The following PTPRD variants were observed in gnomAD, a reference collection of about 807,000 sequenced individuals.
PTPRD encodes the protein protein tyrosine phosphatase receptor type D.
A neutral mutation model predicts 214.5 loss-of-function variants in PTPRD; 34 were observed. The ratio of observed to expected loss-of-function variants is 0.16; its 90% CI spans 0.12 to 0.21. PTPRD has a LOEUF of 0.21. Among genes scored for constraint, PTPRD ranks in the 10% least tolerant of loss-of-function variants. The pLI is 1.00. For synonymous variants in PTPRD, 1,128 were observed against 845.7 expected (o/e 1.33, Z -5.79); for missense variants, 2,545 against 2,398.7 (o/e 1.06, Z -1.27).
At chr9:8,568,013 A>G (rs889031781) in intron 14 of PTPRD, among the ~76,000 whole-genome samples, 1 of 152,172 alleles carries the variant, frequency 6.6e-6, no homozygotes, top group African/African-American at 2.4e-5. Context: ...ACTGGCTGTC[A>G]ACCATTTTTA....
At chr9:10,379,799 A>G (rs891449037) in intron 2 of PTPRD, among the ~76,000 whole-genome samples, 7 of 152,070 alleles carry the variant, frequency 4.6e-5, no homozygotes, top group Non-Finnish European at 1.5e-5. Context: ...TATGTGGTAC[A>G]TTTCTCACAA....
At chr9:9,510,758 T>C (rs1249413915) in intron 8 of PTPRD, among the ~76,000 whole-genome samples, 4 of 151,636 alleles carry the variant, frequency 2.6e-5, no homozygotes, top group Non-Finnish European at 5.9e-5. Context: ...CATCCTTGAT[T>C]TACCACCTCA....
intron 5 of PTPRD, among the ~76,000 whole-genome samples, chr9:9,878,250 T>C (rs1356845823): frequency 6.6e-6 from 1 of 152,128 alleles, no homozygotes; most frequent in Non-Finnish European, 1.5e-5. Flanking sequence ...CACATAGGAA[T>C]ATATATGTCA....
At chr9:8,854,270 A>C (rs1213501624) in intron 11 of PTPRD, among the ~76,000 whole-genome samples, 1 of 152,136 alleles carries the variant, frequency 6.6e-6, no homozygotes, top group Non-Finnish European at 1.5e-5. Context: ...CACACACTTG[A>C]CTCTTATACT....
At chr9:8,925,527 A>AC (rs372217968) in intron 11 of PTPRD, among the ~76,000 whole-genome samples, 1 of 115,172 alleles carries the variant, frequency 8.7e-6, no homozygotes, top group Non-Finnish European at 2.2e-5. Flanking sequence ...AAACAAACAA[A>AC]AAAAACCAAC....
At chr9:10,485,581 T>G (rs567612288) in intron 2 of PTPRD, among the ~76,000 whole-genome samples, 2 of 152,226 alleles carry the variant, frequency 1.3e-5, no homozygotes, top group East Asian at 3.9e-4. Context: ...TTCACTTCTT[T>G]GGTTAAGTTA....
intron 14 of PTPRD, among the ~76,000 whole-genome samples, chr9:8,607,720 G>A (rs913149185): frequency 2.6e-5 from 4 of 152,160 alleles, no homozygotes; most frequent in African/African-American, 7.2e-5. Context: ...ATTTGCAATG[G>A]AGAATGACCA....
intron 22 of PTPRD, among the ~76,000 whole-genome samples, chr9:8,506,419 T>C (rs1475539388): frequency 6.6e-6 from 1 of 152,192 alleles, no homozygotes; most frequent in Admixed American, 6.5e-5. Flanking sequence ...AAATGTTAGA[T>C]GTATCTTAAT....
At chr9:10,218,336 C>T (rs2099551006) in intron 3 of PTPRD, among the ~76,000 whole-genome samples, 2 of 151,864 alleles carry the variant, frequency 1.3e-5, no homozygotes, top group South Asian at 4.1e-4. Context: ...TAATTTTTAC[C>T]ACCCAAGAGG....
intron 10 of PTPRD, among the ~76,000 whole-genome samples, chr9:9,021,114 T>C (rs1407237698): frequency 6.6e-6 from 1 of 152,196 alleles, no homozygotes; most frequent in African/African-American, 2.4e-5. Context: ...AGAGGTATTT[T>C]AAATCACTTC....
intron 11 of PTPRD, among the ~76,000 whole-genome samples, chr9:8,762,540 C>CT (rs1335942142): frequency 6.6e-6 from 1 of 152,142 alleles, no homozygotes; most frequent in Non-Finnish European, 1.5e-5. Flanking sequence ...ACACTTCTCT[C>CT]TGGCACGGAG....
chr9:8,989,426 T>C (rs1313167451), intron 11 of PTPRD, among the ~76,000 whole-genome samples: 2 of 152,112 alleles, frequency 1.3e-5, no homozygotes, highest in African/African-American at 2.4e-5. Flanking sequence ...AAATCTATTT[T>C]AGCTCCCACA....
At chr9:8,754,305 A>G (rs73419288) in intron 11 of PTPRD, among the ~76,000 whole-genome samples, 7,681 of 152,294 alleles carry the variant, frequency 0.05, 469 homozygotes, top group African/African-American at 0.15. Context: ...AGCCAAGACA[A>G]TCTTATAGAA....
At chr9:10,315,094 C>T (rs2096386034) in intron 3 of PTPRD, among the ~76,000 whole-genome samples, 2 of 151,836 alleles carry the variant, frequency 1.3e-5, no homozygotes, top group Admixed American at 6.6e-5. Context: ...AAAATGTATG[C>T]ACATGTAGTT....
At chr9:10,559,620 C>G (rs1345653120) in intron 2 of PTPRD, among the ~76,000 whole-genome samples, 1 of 152,016 alleles carries the variant, frequency 6.6e-6, no homozygotes, top group Non-Finnish European at 1.5e-5. Context: ...AGTGAACAGG[C>G]AACCCACAAA....
chr9:9,149,054 T>C (rs559055148), intron 10 of PTPRD, among the ~76,000 whole-genome samples: 2 of 152,278 alleles, frequency 1.3e-5, no homozygotes, highest in South Asian at 4.1e-4. Context: ...TTAGGAGACA[T>C]GGAAAGATTG....
At chr9:10,543,112 C>T (rs936211572) in intron 2 of PTPRD, among the ~76,000 whole-genome samples, 10 of 151,856 alleles carry the variant, frequency 6.6e-5, no homozygotes, top group East Asian at 1.9e-4. Context: ...CCTGAACTCC[C>T]GACCTCAGGT....
Position 9,714,912 on chromosome 9 carries a change from G to C in PTPRD, c.-287+19621C>G, listed in dbSNP as rs2097792447. Among the ~76,000 whole-genome samples the C allele has an allele frequency of 2.0e-5, 3 of 152,198 alleles. No individual in the cohort carries two copies. In the South Asian group the frequency reaches 6.2e-4, roughly 32 times the overall value. On this transcript the variant is annotated intron_variant, in intron 7 of 45. Transcript: ENST00000381196. ...TAAATAGGGGGGTAAATTGGGCATG[G>C]AGGAAGAATTAAAATATTTAGTATA...
chr9:8,897,893 C>T lies in PTPRD; in HGVS notation c.-104+120804G>A, dbSNP rs148969442. 1.7e-4 allele frequency among the ~76,000 whole-genome samples: 26 copies of T among 152,264 alleles called. No individual in the cohort carries two copies. In the East Asian group the frequency reaches 4.8e-3, roughly 28 times the overall value. Reference sequence around the variant, plus strand: ...TGAGGATTAGTAACACCCCATCTGCCTATATCATGGAACCTTAGCGAAAAG... The same window carrying T: ...TGAGGATTAGTAACACCCCATCTGCTTATATCATGGAACCTTAGCGAAAAG... On this transcript the variant is annotated intron_variant, in intron 11 of 45. Transcript: ENST00000381196.
Sources: gnomAD v4.1 joint callset for allele counts (sites outside exome capture counted in the v4.1 genomes callset) on GRCh38, gnomAD v4.1.1 for gene constraint, MANE v1.5 for transcripts, NCBI Gene and HGNC (gene_info 2026-07-23, HGNC 2026-07-21) for gene names.